Variants in ADAMTSL1 observed in about 807,000 individuals in gnomAD.
ADAMTSL1 encodes ADAMTS like 1.
In ADAMTSL1, 126 loss-of-function variants were observed where a neutral mutation model predicts 201.8. The ratio of observed to expected loss-of-function variants is 0.62; its 90% CI spans 0.54 to 0.72. ADAMTSL1 has a LOEUF of 0.72. ADAMTSL1 is among the 30% of genes least tolerant of loss of function. The probability of loss-of-function intolerance (pLI) is 0.00; values close to 1 mark genes in which losing one functional copy is unlikely to be tolerated. For synonymous variants in ADAMTSL1, 1,121 were observed against 903.4 expected, an observed-to-expected ratio of 1.24 and a Z score of -4.32; for missense variants, 2,679 against 2,277.8, an observed-to-expected ratio of 1.18 and a Z score of -3.59.
In ADAMTSL1 at chr9:18,405,379, G is replaced by T. The variant is rs146174634; in HGVS notation, c.208-99450G>T. On this transcript the variant is annotated intron_variant, in intron 2 of 29. Transcript: ENST00000680146. ...TGAGGTTGGTGAGAGGATGGAAATG[G>T]AAGACAATAGTGATGACACAGAAAG... Among the ~76,000 whole-genome samples the T allele has an allele frequency of 4.2e-4, 64 of 152,304 alleles. 1 individual carries two copies. Among genetic ancestry groups the T allele is most frequent in the Middle Eastern group, 3.4e-3 (1 of 294 alleles).
chr9:18,479,351 C>G (rs1400211152), intron 1 of ADAMTSL1, among the ~76,000 whole-genome samples: 1 of 152,150 alleles, frequency 6.6e-6, no homozygotes, highest in Non-Finnish European at 1.5e-5. Context: ...CCAAGAAACT[C>G]AGTATTCATA....
rs535617147 is a variant in ADAMTSL1, at chr9:18,720,151, C to T, written c.1877-1385C>T. 2.0e-5 allele frequency among the ~76,000 whole-genome samples: 3 copies of T among 152,194 alleles called. No homozygotes were observed. The South Asian group carries it at 6.2e-4, about 32-fold the overall frequency. ...ATTCCAGACAAATGTCTAGGTTATT[C>T]CTAAAGATCTCCAGGGAAGTAGATA... On this transcript the variant is annotated intron_variant, in intron 14 of 28. Coordinates refer to ENST00000380548, the MANE Select transcript of ADAMTSL1 (RefSeq NM_001040272.6).
intron 4 of ADAMTSL1, among the ~76,000 whole-genome samples, chr9:18,589,107 C>T (rs1471868747): frequency 6.6e-6 from 1 of 151,718 alleles, no homozygotes; most frequent in Non-Finnish European, 1.5e-5. Flanking sequence ...GAACTCCTGA[C>T]CTCAGGTGAT....
chr9:18,646,566 C>T (rs1023030990), intron 7 of ADAMTSL1, among the ~76,000 whole-genome samples: 4 of 145,142 alleles, frequency 2.8e-5, no homozygotes, highest in African/African-American at 1.0e-4. Flanking sequence ...TACGTCCCAT[C>T]AATACCTAAT....
chr9:18,464,586 G>T (rs115853840), intron 2 of ADAMTSL1, among the ~76,000 whole-genome samples: 5 of 152,272 alleles, frequency 3.3e-5, no homozygotes, highest in African/African-American at 1.2e-4. Flanking sequence ...AATTTAATGA[G>T]TTATGACAGT....
chr9:18,399,892 T>C (rs1817918472), intron 2 of ADAMTSL1, among the ~76,000 whole-genome samples: 1 of 152,076 alleles, frequency 6.6e-6, no homozygotes, highest in African/African-American at 2.4e-5. Context: ...TCCCTTATTA[T>C]AGGCAATAAC....
At chr9:18,147,574 C>A (rs1587156949) in intron 1 of ADAMTSL1, among the ~76,000 whole-genome samples, 1 of 152,108 alleles carries the variant, frequency 6.6e-6, no homozygotes, top group Non-Finnish European at 1.5e-5. Context: ...ACCCAAGAAG[C>A]AGATGTGCTT....
chr9:17,949,863 T>G (rs1335554074), intron 1 of ADAMTSL1, among the ~76,000 whole-genome samples: 1 of 152,146 alleles, frequency 6.6e-6, no homozygotes, highest in African/African-American at 2.4e-5. Flanking sequence ...ACTCTTTGAT[T>G]TGACAGCAAA....
rs140364457 is a variant in ADAMTSL1 at position 18,392,135 on chromosome 9, A to C, written c.208-112694A>C. On this transcript the variant is annotated intron_variant, in intron 2 of 29. Coordinates refer to the ADAMTSL1 transcript ENST00000680146. ...CACTGCGACTGGCCCTGAATCAATTACTTTCTAGATTACCTGGCACAAGTC... is the reference window on the plus strand; with the variant it reads ...CACTGCGACTGGCCCTGAATCAATTCCTTTCTAGATTACCTGGCACAAGTC... 2.2e-3 allele frequency among the ~76,000 whole-genome samples: 330 copies of C among 152,132 alleles called. 5 individuals carry two copies. Among genetic ancestry groups the C allele is most frequent in the African/African-American group, 7.4e-3 (307 of 41,508 alleles).
chr9:18,476,255 C>T (rs1163881845), intron 1 of ADAMTSL1, among the ~76,000 whole-genome samples: 1 of 152,086 alleles, frequency 6.6e-6, no homozygotes, highest in Non-Finnish European at 1.5e-5. Flanking sequence ...TACAATAAAT[C>T]CTTACAATAA....
At chr9:18,898,052 T>C (rs916902522) in intron 26 of ADAMTSL1, among the ~76,000 whole-genome samples, 1 of 149,334 alleles carries the variant, frequency 6.7e-6, no homozygotes, top group Non-Finnish European at 1.5e-5. Context: ...AGCCAGGCAT[T>C]GTGGCGGGCA....
At chr9:18,144,905 G>T (rs1235033276) in intron 1 of ADAMTSL1, among the ~76,000 whole-genome samples, 1 of 152,138 alleles carries the variant, frequency 6.6e-6, no homozygotes, top group East Asian at 1.9e-4. Flanking sequence ...CTCTGTCTCA[G>T]CATGATAAAG....
chr9:17,981,794 T>C (rs1244128245), intron 1 of ADAMTSL1, among the ~76,000 whole-genome samples: 1 of 152,190 alleles, frequency 6.6e-6, no homozygotes, highest in African/African-American at 2.4e-5. Flanking sequence ...AGGACATCTT[T>C]CTCTGTAGCT....
chr9:18,868,064 A>G (rs1827654380), intron 23 of ADAMTSL1, among the ~76,000 whole-genome samples: 1 of 152,064 alleles, frequency 6.6e-6, no homozygotes. Context: ...TTCTATTATT[A>G]TATCTTGGAT....
intron 1 of ADAMTSL1, among the ~76,000 whole-genome samples, chr9:17,970,833 T>C (rs1818178424): frequency 6.6e-6 from 1 of 152,010 alleles, no homozygotes; most frequent in South Asian, 2.1e-4. Context: ...TATTTATGTC[T>C]TTTCCCTGTG....
At chr9:18,222,685 C>G (rs978112904) in intron 2 of ADAMTSL1, among the ~76,000 whole-genome samples, 11 of 142,998 alleles carry the variant, frequency 7.7e-5, no homozygotes, top group Non-Finnish European at 1.5e-4. Context: ...TCTTTTTAAA[C>G]CTAAATCCTG....
rs761855652 is a variant in ADAMTSL1, at chr9:18,777,283, G to A, written c.3054G>A (p.Gly1018=). ...AEKRGLAANP[G]SRYDDLVSRL... is the part of the protein sequence containing the mutation. ...AGCGGGGCCTGGCCGCCAACCCGGG[G>A]AGCCGCTACGACGACCTCGTCTCCC... Residue 1018 remains glycine (G), a synonymous_variant, in exon 19 of 29, where the codon GGG becomes GGA. Coordinates refer to ENST00000380548, the MANE Select transcript of ADAMTSL1 (RefSeq NM_001040272.6). 1.1e-5 allele frequency: 18 copies of A among 1,608,046 alleles called. No homozygotes were observed. The highest frequency in any genetic ancestry group is 1.4e-5 in the Non-Finnish European group (16 of 1,177,712).
intron 15 of ADAMTSL1, among the ~76,000 whole-genome samples, chr9:18,724,419 TA>T (rs1293807124): frequency 6.6e-6 from 1 of 152,262 alleles, no homozygotes; most frequent in Non-Finnish European, 1.5e-5. Flanking sequence ...AGCACATGTC[TA>T]ACTTTCACCA....
At chr9:18,245,687 G>C (rs904445456) in intron 2 of ADAMTSL1, among the ~76,000 whole-genome samples, 1 of 151,074 alleles carries the variant, frequency 6.6e-6, no homozygotes, top group Non-Finnish European at 1.5e-5. Flanking sequence ...TGGAAAATAA[G>C]AACACAGTCC....
Sources: gnomAD v4.1 joint callset for allele counts (sites outside exome capture counted in the v4.1 genomes callset) on GRCh38, gnomAD v4.1.1 for gene constraint, MANE v1.5 for transcripts, NCBI Gene and HGNC (gene_info 2026-07-23, HGNC 2026-07-21) for gene names.